The following MAPK10 variants were observed in gnomAD, a reference collection of about 807,000 sequenced individuals.
MAPK10 encodes the protein JNK3 alpha protein kinase.
In MAPK10, 25 loss-of-function variants were observed where a neutral mutation model predicts 59.3. The observed-to-expected ratio is 0.42, with a 90% confidence interval of 0.31 to 0.59. The LOEUF is 0.59. MAPK10 is among the 20% of genes least tolerant of loss of function. The probability of loss-of-function intolerance (pLI) is 0.15; values close to 1 mark genes in which losing one functional copy is unlikely to be tolerated. For synonymous variants in MAPK10, 190 were observed against 200.5 expected, an observed-to-expected ratio of 0.95 and a Z score of 0.44; for missense variants, 351 against 568.9, an observed-to-expected ratio of 0.62 and a Z score of 3.90.
intron 4 of MAPK10, among the ~76,000 whole-genome samples, chr4:86,121,295 G>T (rs1159632832): frequency 2.0e-5 from 3 of 152,144 alleles, no homozygotes; most frequent in Non-Finnish European, 1.5e-5. Context: ...GTTCCTCATA[G>T]AAGGCACCAT....
At chr4:86,216,317 T>G in intron 2 of MAPK10, among the ~76,000 whole-genome samples, 1 of 145,124 alleles carries the variant, frequency 6.9e-6, no homozygotes, top group Non-Finnish European at 1.5e-5. Context: ...TATATATATA[T>G]AGCCACATAT....
chr4:86,059,091 C>A (rs2045215457), intron 11 of MAPK10, among the ~76,000 whole-genome samples: 1 of 152,164 alleles, frequency 6.6e-6, no homozygotes, highest in Non-Finnish European at 1.5e-5. Flanking sequence ...TACACAATAT[C>A]AAAGTTTACA....
At chr4:86,375,687 C>T (rs1739672797) in intron 1 of MAPK10, among the ~76,000 whole-genome samples, 1 of 115,050 alleles carries the variant, frequency 8.7e-6, no homozygotes, top group Admixed American at 1.3e-4. Flanking sequence ...TGCACTCCAG[C>T]TAGGGTGACA....
chr4:86,034,447 T>C (rs2039757754), intron 11 of MAPK10, among the ~76,000 whole-genome samples: 1 of 152,186 alleles, frequency 6.6e-6, no homozygotes, highest in Non-Finnish European at 1.5e-5. Context: ...GTCCAAATTG[T>C]TTCAATTAAA....
intron 1 of MAPK10, among the ~76,000 whole-genome samples, chr4:86,378,778 GGA>G (rs1465106733): frequency 2.6e-4 from 39 of 152,308 alleles, no homozygotes; most frequent in Middle Eastern, 6.8e-3. Flanking sequence ...GAGAGGCACG[GGA>G]GAGAGTCACA....
At chr4:86,154,131 C>G (rs1274446926) in intron 4 of MAPK10, among the ~76,000 whole-genome samples, 1 of 152,080 alleles carries the variant, frequency 6.6e-6, no homozygotes, top group African/African-American at 2.4e-5. Context: ...CTGGGGCCCA[C>G]TGATCAAGTC....
intron 2 of MAPK10, among the ~76,000 whole-genome samples, chr4:86,335,375 AT>A (rs138554581): frequency 0.012 from 1,755 of 152,340 alleles, 21 homozygotes; most frequent in Non-Finnish European, 0.017. Flanking sequence ...TATGTGAAAA[AT>A]AATTTTTTAA....
intron 2 of MAPK10, among the ~76,000 whole-genome samples, chr4:86,290,581 T>C (rs1048956985): frequency 6.6e-6 from 1 of 152,252 alleles, no homozygotes; most frequent in African/African-American, 2.4e-5. Flanking sequence ...AATTATTACA[T>C]ATTTCCCTCA....
intron 2 of MAPK10, among the ~76,000 whole-genome samples, chr4:86,251,096 C>A (rs1431958349): frequency 6.6e-6 from 1 of 152,184 alleles, no homozygotes; most frequent in Non-Finnish European, 1.5e-5. Flanking sequence ...TTCTTAAAAT[C>A]ACTGAGGCAG....
At chr4:86,473,352 G>A (rs189614327) in intron 1 of MAPK10, among the ~76,000 whole-genome samples, 6 of 152,172 alleles carry the variant, frequency 3.9e-5, no homozygotes, top group Admixed American at 1.3e-4. Context: ...TTCAAAAAGA[G>A]GAAATGAATG....
intron 4 of MAPK10, among the ~76,000 whole-genome samples, chr4:86,117,328 C>T (rs4403040): frequency 0.55 from 83,022 of 152,098 alleles, 25,231 homozygotes; most frequent in South Asian, 0.73. Context: ...AATAAACTAT[C>T]TGTATGATTT....
chr4:86,041,771 T>A (rs1273242729), intron 11 of MAPK10, among the ~76,000 whole-genome samples: 1 of 152,196 alleles, frequency 6.6e-6, no homozygotes, highest in African/African-American at 2.4e-5. Context: ...CACAGTGAGA[T>A]ACCATCTCAT....
intron 1 of MAPK10, among the ~76,000 whole-genome samples, chr4:86,458,874 C>T (rs544742154): frequency 3.3e-5 from 5 of 152,210 alleles, no homozygotes; most frequent in East Asian, 1.9e-4. Context: ...TTCATGACCA[C>T]GAACCCAGAA....
At chr4:86,578,074 A>T (rs1009098027) in intron 1 of MAPK10, among the ~76,000 whole-genome samples, 2 of 152,130 alleles carry the variant, frequency 1.3e-5, no homozygotes, top group African/African-American at 2.4e-5. Flanking sequence ...GCGAGCAAAA[A>T]CACAGAAAAT....
intron 12 of MAPK10, among the ~76,000 whole-genome samples, chr4:86,029,632 A>G (rs545563706): frequency 6.6e-6 from 1 of 152,304 alleles, no homozygotes; most frequent in African/African-American, 2.4e-5. Context: ...AACAAGTAAT[A>G]CATGTTTTAC....
At chr4:86,372,568 G>GAAAGAAAGAAAGAAAGAAAGAAAGA (rs1411901849) in intron 1 of MAPK10, among the ~76,000 whole-genome samples, 1 of 29,028 alleles carries the variant, frequency 3.4e-5, no homozygotes, top group Non-Finnish European at 1.1e-4. Context: ...AAGAAAGAAA[G>GAAAGAAAGAAAGAAAGAAAGAAAGA]AAAAGAAAAG....
At chr4:86,223,801 C>G (rs1428142508) in intron 2 of MAPK10, among the ~76,000 whole-genome samples, 1 of 152,294 alleles carries the variant, frequency 6.6e-6, no homozygotes, top group Middle Eastern at 3.4e-3. Flanking sequence ...GCCCCAACCC[C>G]CTAACCACAG....
rs1228786986 is a variant in MAPK10, at chr4:86,120,322, C to A, written c.237-12970G>T. ...CAGCAAGTGGGTCTCACAGCCAGTC[C>A]CTCAAAGACGTATCAAAAGCAGGAA... On this transcript the variant is annotated intron_variant, in intron 4 of 13. Coordinates refer to ENST00000641462, the MANE Select transcript of MAPK10 (RefSeq NM_138982.4). 4 of 152,124 alleles carry A rather than the reference C, an allele frequency of 2.6e-5. No individual in the cohort carries two copies. The East Asian group carries it at 7.7e-4, about 29-fold the overall frequency. The allele number at this position is 152,124 out of a possible 1,614,324, so 9.4% of individuals were successfully genotyped here.
chr4:86,287,458 T>C (rs376891324), intron 2 of MAPK10, among the ~76,000 whole-genome samples: 1 of 152,330 alleles, frequency 6.6e-6, no homozygotes, highest in African/African-American at 2.4e-5. Flanking sequence ...ATGGTGATCT[T>C]AAGAATATTC....
Sources: allele counts gnomAD v4.1 joint callset (sites outside exome capture counted in the v4.1 genomes callset), GRCh38; gene constraint gnomAD v4.1.1; transcripts MANE v1.5; gene names NCBI Gene and HGNC (gene_info 2026-07-23, HGNC 2026-07-21).